HSPA4L: variants seen among roughly 807,000 people sequenced by gnomAD.
HSPA4L encodes the protein heat shock 70 kDa protein 4L.
A neutral mutation model predicts 100.3 loss-of-function variants in HSPA4L; 48 were observed. The observed-to-expected ratio is 0.48, with a 90% CI of 0.38 to 0.61. The LOEUF (loss-of-function observed/expected upper bound fraction) is 0.61, where lower values mean the gene tolerates loss of function less well. HSPA4L is among the 20% of genes least tolerant of loss of function. The pLI is 0.00. For missense variants in HSPA4L, 886 were observed against 988.6 expected, an observed-to-expected ratio of 0.90 and a Z score of 1.39; for synonymous variants, 319 against 328.2, an observed-to-expected ratio of 0.97 and a Z score of 0.30.
In HSPA4L at chr4:127,832,787, T is replaced by C. The variant is rs749403987; in HGVS notation, c.2433T>C (p.Asp811=). The change falls in exon 19 of 19, where the codon GAT becomes GAC. Residue 811 remains aspartate (D), a synonymous_variant. Transcript: ENST00000296464. ...ATAGTGAACACAATGGCCCAATGGA[T>C]GGACAGAGTGGAACTGAAACTAAAT... ...KANSEHNGPM[D]GQSGTETKSD... 11 of 1,613,734 alleles carry C rather than the reference T, an allele frequency of 6.8e-6. No homozygotes were observed. The highest frequency in any genetic ancestry group is 9.3e-6 in the Non-Finnish European group (11 of 1,179,804).
rs751167740 is a variant in HSPA4L, at chr4:127,804,070, C to A, written c.968C>A (p.Ala323Glu). 1.2e-6 allele frequency: 2 copies of A among 1,613,654 alleles called. No individual in the cohort carries two copies. Among genetic ancestry groups the A allele is most frequent in the Non-Finnish European group, 1.7e-6 (2 of 1,179,802 alleles). The change falls in exon 8 of 19, where the codon GCA (alanine) becomes GAA (glutamate). Residue 323 changes from alanine to glutamate, a missense_variant. Ala to Glu is a moderately radical substitution (Grantham distance 107). Transcript: ENST00000296464. ...LLARVEPPLK[A>E]VMEQANLQRE... ...GCCAGGGTTGAACCACCTTTAAAAG[C>A]AGTAATGGAACAAGCTAGTAAGTGG... is the stretch of plus-strand genomic sequence containing the variant.
At position 127,801,128 on chromosome 4, in the gene HSPA4L, T is replaced by A; in HGVS notation, c.430-10T>A. The A allele has an allele frequency of 6.3e-7, 1 of 1,593,878 alleles. No individual in the cohort carries two copies. On this transcript the variant is annotated splice_polypyrimidine_tract_variant and intron_variant, in intron 4 of 18. Coordinates refer to ENST00000296464, the MANE Select transcript of HSPA4L (RefSeq NM_014278.4). ...AAACATTATACTTAACTGTTGTTTT[T>A]AAATACTAGATTCCTAGCTTTTTTA...
At position 127,793,887 on chromosome 4, in the gene HSPA4L, CATTT is replaced by C. The variant is rs544231927; in HGVS notation, c.108-186_108-183del. Among the ~76,000 whole-genome samples, 380 of 152,194 alleles carry C rather than the reference CATTT, an allele frequency of 2.5e-3. 2 individuals are homozygous for C. The highest frequency in any genetic ancestry group is 8.5e-3 in the African/African-American group (355 of 41,546). The stretch of plus-strand genomic sequence containing the variant: ...TTAGGACTTTTTTAAAAAATTGTAA[CATTT>C]ATTCTGACCACCATTTTATTATATA... On this transcript the variant is annotated intron_variant, in intron 1 of 18. Transcript: ENST00000296464.
chr4:127,830,582 A>G, intron 17 of HSPA4L, 56 bp from the exon 18 acceptor site: 1 of 1,377,138 alleles, frequency 7.3e-7, no homozygotes, highest in South Asian at 1.4e-5. Flanking sequence ...TTACTAATAA[A>G]CTGGTGCTAG....
Position 127,803,877 on chromosome 4 carries a change from C to T in HSPA4L, c.908+4C>T. 4 of 1,611,740 alleles carry T rather than the reference C, an allele frequency of 2.5e-6. No homozygotes were observed. The South Asian group carries it at 4.4e-5, about 18-fold the overall frequency. On this transcript the variant is annotated splice_donor_region_variant and intron_variant, in intron 7 of 18. Coordinates refer to ENST00000296464, the MANE Select transcript of HSPA4L (RefSeq NM_014278.4). ...ATGTTTCTAGTAAAATGAACAGGTA[C>T]CACGTATGTTTTTAGTTTGAAAAGT...
rs376346224 is a variant in HSPA4L at position 127,823,574 on chromosome 4, G to T, written c.1996G>T (p.Gly666Ter). The T allele has an allele frequency of 6.2e-7, 1 of 1,613,606 alleles. No individual in the cohort carries two copies. Among genetic ancestry groups the T allele is most frequent in the African/African-American group, 1.3e-5 (1 of 74,898 alleles). The change falls in exon 16 of 19, where the codon GGA (glycine) becomes TGA (stop). Residue 666 changes from glycine (G) to a stop codon, truncating the protein, a stop_gained. Transcript: ENST00000296464. LOFTEE classifies it high-confidence loss of function. ...EDTENWLYEDGEDQPKQVYVD... is the reference protein window; with the variant it reads ...EDTENWLYED ...CACAGAAAATTGGCTTTATGAAGAC[G>T]GAGAGGACCAACCTAAACAAGTTTA...
chr4:127,811,332 A>C, intron 11 of HSPA4L, 105 bp from the exon 12 acceptor site: 1 of 784,598 alleles, frequency 1.3e-6, no homozygotes, highest in Non-Finnish European at 2.1e-6. Flanking sequence ...ATTATTGCCA[A>C]GATGATTATT....
In HSPA4L at chr4:127,794,062, GT is replaced by G; in HGVS notation, c.108-10del. On this transcript the variant is annotated splice_polypyrimidine_tract_variant and intron_variant, in intron 1 of 18. Coordinates refer to ENST00000296464, the MANE Select transcript of HSPA4L (RefSeq NM_014278.4). ...AAAAGTACCATGGAACAAACTTTTT[GT>G]TTTTCTGGTTTAGGGCCTGTATATC... The G allele has an allele frequency of 6.4e-7, 1 of 1,571,782 alleles. No individual in the cohort carries two copies.
intron 10 of HSPA4L, 59 bp downstream of exon 10, chr4:127,805,852 T>A: frequency 7.0e-6 from 8 of 1,139,842 alleles, no homozygotes; most frequent in Non-Finnish European, 1.0e-5. Flanking sequence ...CAGTTAAACC[T>A]ACTTTTCTAA....
chr4:127,803,484 GA>G (rs1483094842), intron 6 of HSPA4L, 144 bp from the exon 7 acceptor site: 1 of 661,092 alleles, frequency 1.5e-6, no homozygotes. Context: ...ATTTAACTCT[GA>G]TTCCAAATTC....
chr4:127,792,608 A>G (rs574868207), intron 1 of HSPA4L, among the ~76,000 whole-genome samples: 53 of 152,184 alleles, frequency 3.5e-4, no homozygotes, highest in Non-Finnish European at 6.6e-4. Context: ...TGTGGCTACC[A>G]TATTAGATAG....
intron 12 of HSPA4L, among the ~76,000 whole-genome samples, chr4:127,816,753 A>G (rs955281864): frequency 3.9e-5 from 6 of 152,242 alleles, no homozygotes; most frequent in Admixed American, 2.6e-4. Context: ...AGAAATATAC[A>G]TTAACAACTG....
At position 127,835,161 on chromosome 4, in the gene HSPA4L, CTAT is replaced by C. The variant is rs1262108530; in HGVS notation, c.*2292_*2294del. ...AGACAAAGATTTTCAAAATAAAAAG[CTAT>C]TATTTCAGAAATTATTTTAAAAGAT... On this transcript the variant is annotated 3_prime_UTR_variant, in exon 19 of 19. Transcript: ENST00000296464. The C allele has an allele frequency of 1.3e-5, 2 of 151,624 alleles. No individual in the cohort carries two copies. The highest frequency in any genetic ancestry group is 1.5e-5 in the Non-Finnish European group (1 of 67,994). 9.4% of individuals were successfully genotyped at this position (151,624 alleles called of 1,614,324 possible).
chr4:127,823,481 GTAT>G, intron 15 of HSPA4L, 33 bp from the exon 16 acceptor site: 4 of 1,404,412 alleles, frequency 2.8e-6, no homozygotes, highest in Non-Finnish European at 4.0e-6. Context: ...TCTAAGGAAA[GTAT>G]TTTTAATTAG....
intron 18 of HSPA4L, among the ~76,000 whole-genome samples, chr4:127,831,035 A>G (rs1392010680): frequency 6.6e-6 from 1 of 152,176 alleles, no homozygotes; most frequent in East Asian, 1.9e-4. Context: ...AATAAAAGCA[A>G]TGTGACAACT....
rs762461993 is a variant in HSPA4L at position 127,798,567 on chromosome 4, A to G, written c.307-20A>G. 12 of 1,611,740 alleles carry G rather than the reference A, an allele frequency of 7.4e-6. No individual in the cohort carries two copies. In the South Asian group the frequency reaches 9.9e-5, roughly 13 times the overall value. On this transcript the variant is annotated intron_variant, in intron 3 of 18. Coordinates refer to ENST00000296464, the MANE Select transcript of HSPA4L (RefSeq NM_014278.4). ...GATAAACAAATGACTCTTAATAAAT[A>G]TCCCAACTTTTGGTGTTAGGTGCGG...
At chr4:127,826,014 T>C (rs1027418680) in intron 16 of HSPA4L, among the ~76,000 whole-genome samples, 7 of 152,104 alleles carry the variant, frequency 4.6e-5, no homozygotes, top group African/African-American at 1.7e-4. Context: ...GTTCCTATTA[T>C]GGATTCTTCT....
chr4:127,812,668 G>A (rs1469697966), intron 12 of HSPA4L: 2 of 696,742 alleles, frequency 2.9e-6, no homozygotes, highest in African/African-American at 1.9e-5. Context: ...GTTTTGTTTT[G>A]TTTTGTTTTT....
rs1734172349 is a variant in HSPA4L, at chr4:127,835,052, G to A, written c.*2178G>A. 6.6e-6 allele frequency: 1 copy of A among 152,114 alleles called. No homozygotes were observed. The highest frequency in any genetic ancestry group is 1.5e-5 in the Non-Finnish European group (1 of 68,020). 9.4% of individuals were successfully genotyped at this position (152,114 alleles called of 1,614,324 possible). A position where few individuals can be genotyped will look rare whatever the true frequency, so the allele number is the denominator to read the frequency against. On this transcript the variant is annotated 3_prime_UTR_variant, in exon 19 of 19. Transcript: ENST00000296464. ...GTATTTATTTATTTAATTCATTAAT[G>A]AAAGAGAGTGCTCTCTTTAATGCAG...
Sources: allele counts gnomAD v4.1 joint callset (sites outside exome capture counted in the v4.1 genomes callset), GRCh38; gene constraint gnomAD v4.1.1; transcripts MANE v1.5; gene names NCBI Gene and HGNC (gene_info 2026-07-23, HGNC 2026-07-21).